Variants in OXR1 observed in about 807,000 individuals in gnomAD.
OXR1 encodes the protein oxidation resistance 1.
Under a neutral mutation model 104.6 loss-of-function variants are expected in OXR1, and 41 were observed. The observed-to-expected ratio is 0.39, with a 90% CI of 0.31 to 0.51. OXR1 has a LOEUF of 0.51. Ranked by LOEUF, OXR1 falls within the 20% of genes least tolerant of loss-of-function variation. The pLI is 0.77. For synonymous variants in OXR1, 348 were observed against 348.4 expected (o/e 1.00, Z 0.01); for missense variants, 955 against 1,031.9 (o/e 0.93, Z 1.02).
intron 3 of OXR1, among the ~76,000 whole-genome samples, chr8:106,589,760 A>G (rs1818933020): frequency 6.6e-6 from 1 of 152,012 alleles, no homozygotes; most frequent in African/African-American, 2.4e-5. Flanking sequence ...CCCGCCTCCC[A>G]GGTTCAAACG....
chr8:106,674,648 A>C (rs1478820132), intron 3 of OXR1, among the ~76,000 whole-genome samples: 1 of 152,128 alleles, frequency 6.6e-6, no homozygotes, highest in East Asian at 1.9e-4. Flanking sequence ...CCCCACCCAA[A>C]TCTCATCTTG....
chr8:106,538,385 T>G (rs1306594461), intron 3 of OXR1, among the ~76,000 whole-genome samples: 2 of 152,216 alleles, frequency 1.3e-5, no homozygotes, highest in Non-Finnish European at 2.9e-5. Context: ...CCTCTCTAAA[T>G]AAAGCTCAAA....
chr8:106,722,319 AT>A lies in OXR1; in HGVS notation c.1956+8341del, dbSNP rs535671500. Among the ~76,000 whole-genome samples the A allele has an allele frequency of 2.8e-3, 424 of 152,284 alleles. 2 individuals carry two copies. The highest frequency in any genetic ancestry group is 9.7e-3 in the African/African-American group (402 of 41,572). On this transcript the variant is annotated intron_variant, in intron 11 of 16. Transcript: ENST00000517566. ...AAATCACATTTCTCAGATAAAGGGA[AT>A]TTTTTTAAGTATTCTTTTTTTTTAA...
intron 2 of OXR1, among the ~76,000 whole-genome samples, chr8:106,418,043 G>C (rs1818751176): frequency 6.6e-6 from 1 of 152,026 alleles, no homozygotes; most frequent in Non-Finnish European, 1.5e-5. Context: ...GTATCAAGTG[G>C]TCAGCTATAG....
rs1030229055 is a variant in OXR1, at chr8:106,669,402, G to T, written c.221-9808G>T. Among the ~76,000 whole-genome samples the T allele has an allele frequency of 2.0e-5, 3 of 152,048 alleles. No individual in the cohort carries two copies. In the East Asian group the frequency reaches 5.8e-4, roughly 29 times the overall value. The stretch of plus-strand genomic sequence containing the variant: ...AAAGATGGAGTAGTATCTAGAAAAA[G>T]ATAGATACTAGATTTGAGGGAAAAT... On this transcript the variant is annotated intron_variant, in intron 3 of 16. Coordinates refer to ENST00000517566, the MANE Select transcript of OXR1 (RefSeq NM_001198533.2).
chr8:106,697,406 G>A, intron 7 of OXR1: 1 of 1,414,300 alleles, frequency 7.1e-7, no homozygotes, highest in South Asian at 1.3e-5. Flanking sequence ...GAGGGCAGGG[G>A]CAAGGCCTGG....
chr8:106,704,271 G>A (rs889738963), intron 8 of OXR1, among the ~76,000 whole-genome samples: 1 of 151,488 alleles, frequency 6.6e-6, no homozygotes, highest in Non-Finnish European at 1.5e-5. Flanking sequence ...GTAAAAGAGT[G>A]AAGGATTACA....
intron 2 of OXR1, among the ~76,000 whole-genome samples, chr8:106,483,392 G>A (rs1313548364): frequency 5.3e-5 from 8 of 151,750 alleles, no homozygotes; most frequent in Non-Finnish European, 2.9e-5. Flanking sequence ...ATACTTTAAT[G>A]TAGCCATTAA....
chr8:106,505,222 G>A (rs1346325709), intron 2 of OXR1, among the ~76,000 whole-genome samples: 1 of 152,148 alleles, frequency 6.6e-6, no homozygotes, highest in African/African-American at 2.4e-5. Context: ...AAAGAAGATG[G>A]AGAAAATAAA....
intron 2 of OXR1, among the ~76,000 whole-genome samples, chr8:106,473,765 G>A (rs984616102): frequency 2.7e-5 from 4 of 150,524 alleles, no homozygotes; most frequent in African/African-American, 9.7e-5. Flanking sequence ...GTCTTGTCAG[G>A]GACAGTAGTT....
chr8:106,714,441 C>A (rs1258394444), intron 11 of OXR1, among the ~76,000 whole-genome samples: 1 of 151,990 alleles, frequency 6.6e-6, no homozygotes, highest in African/African-American at 2.4e-5. Context: ...CTACTCCTTT[C>A]TATGTTTCAG....
intron 1 of OXR1, among the ~76,000 whole-genome samples, chr8:106,270,607 C>T (rs1042888494): frequency 6.8e-6 from 1 of 147,088 alleles, no homozygotes; most frequent in African/African-American, 2.7e-5. Flanking sequence ...AGAGGGCGGA[C>T]TTGGGAAGAA....
At chr8:106,673,946 G>C (rs1483747103) in intron 3 of OXR1, among the ~76,000 whole-genome samples, 1 of 152,258 alleles carries the variant, frequency 6.6e-6, no homozygotes, top group Middle Eastern at 3.2e-3. Flanking sequence ...TGTCCAGACA[G>C]AAGTTTGCTG....
chr8:106,607,610 C>T (rs1381833424), intron 3 of OXR1, among the ~76,000 whole-genome samples: 1 of 152,182 alleles, frequency 6.6e-6, no homozygotes, highest in Non-Finnish European at 1.5e-5. Flanking sequence ...TTCCTTAAAT[C>T]GATCCTTCTG....
At chr8:106,468,884 A>G (rs1389298555) in intron 2 of OXR1, among the ~76,000 whole-genome samples, 2 of 151,760 alleles carry the variant, frequency 1.3e-5, no homozygotes, top group East Asian at 3.9e-4. Context: ...ATTTATCGTA[A>G]GGAAGATAGC....
rs750634645 is a variant in OXR1, at chr8:106,545,313, C to T, written c.220+26174C>T. Among the ~76,000 whole-genome samples, 4 of 152,120 alleles carry T rather than the reference C, an allele frequency of 2.6e-5. No homozygotes were observed. The East Asian group carries it at 5.8e-4, about 22-fold the overall frequency. ...CTGAAAACAAGACATTCAGCTGGAA[C>T]GTTATTTGATCTAATGACTTAAATA... On this transcript the variant is annotated intron_variant, in intron 3 of 16. Transcript: ENST00000517566.
intron 3 of OXR1, among the ~76,000 whole-genome samples, chr8:106,526,073 G>A (rs185706168): frequency 7.2e-5 from 11 of 152,204 alleles, no homozygotes; most frequent in African/African-American, 2.4e-4. Context: ...ATACAATCAG[G>A]TATTTAACAC....
chr8:106,284,917 T>C (rs1198235332), intron 1 of OXR1, among the ~76,000 whole-genome samples: 14 of 152,126 alleles, frequency 9.2e-5, no homozygotes, highest in Admixed American at 9.2e-4. Flanking sequence ...GTTACTGTAA[T>C]TGAATTGAAT....
chr8:106,679,365 A>G (rs1022293786), intron 4 of OXR1, 73 bp downstream of exon 4: 12 of 669,680 alleles, frequency 1.8e-5, no homozygotes, highest in Non-Finnish European at 3.0e-5. Flanking sequence ...TGTTTATACT[A>G]TAAATAAGAC....
Sources: allele counts gnomAD v4.1 joint callset (sites outside exome capture counted in the v4.1 genomes callset), GRCh38; gene constraint gnomAD v4.1.1; transcripts MANE v1.5; gene names NCBI Gene and HGNC (gene_info 2026-07-23, HGNC 2026-07-21).